DLG2: variants seen among roughly 807,000 people sequenced by gnomAD.
The protein encoded by DLG2 is disks large homolog 2.
In DLG2, 45 loss-of-function variants were observed where a neutral mutation model predicts 132.5. The ratio of observed to expected loss-of-function variants is 0.34; its 90% CI spans 0.27 to 0.44. The LOEUF (loss-of-function observed/expected upper bound fraction) is 0.44, where lower values mean the gene tolerates loss of function less well. DLG2 is among the 20% of genes least tolerant of loss of function. The pLI, the probability that DLG2 is intolerant of heterozygous loss-of-function variation, is 1.00. For synonymous variants in DLG2, 424 were observed against 419.6 expected (o/e 1.01, Z -0.13); for missense variants, 1,045 against 1,196.9 (o/e 0.87, Z 1.87).
intron 6 of DLG2, among the ~76,000 whole-genome samples, chr11:84,993,466 G>A (rs2057334818): frequency 6.6e-6 from 1 of 152,222 alleles, no homozygotes; most frequent in Admixed American, 6.5e-5. Flanking sequence ...AATGCAGCCA[G>A]AGTGTCTTTG....
intron 15 of DLG2, among the ~76,000 whole-genome samples, chr11:83,881,074 C>T (rs529449808): frequency 6.6e-6 from 1 of 152,030 alleles, no homozygotes; most frequent in East Asian, 1.9e-4. Flanking sequence ...ACCGTGATTA[C>T]TTTTGCACCA....
At chr11:85,586,178 T>C (rs541334681) in intron 3 of DLG2, among the ~76,000 whole-genome samples, 12 of 152,310 alleles carry the variant, frequency 7.9e-5, no homozygotes, top group Admixed American at 6.5e-5. Flanking sequence ...TATTGGTCTG[T>C]AGTTTTCTTT....
chr11:85,111,081 C>T (rs1465560160), intron 6 of DLG2, among the ~76,000 whole-genome samples: 1 of 152,110 alleles, frequency 6.6e-6, no homozygotes, highest in East Asian at 1.9e-4. Context: ...TGTCTGGGAT[C>T]TGTTCCCAGT....
intron 16 of DLG2, among the ~76,000 whole-genome samples, chr11:83,845,422 T>C (rs776499412): frequency 4.6e-5 from 7 of 152,300 alleles, no homozygotes; most frequent in Middle Eastern, 6.8e-3. Context: ...GGATGCAGTA[T>C]AATGTGTGCC....
intron 6 of DLG2, chr11:84,720,328 T>A (rs1382221416): frequency 8.1e-6 from 8 of 985,382 alleles, no homozygotes; most frequent in Non-Finnish European, 9.6e-6. Context: ...AAAGTGTTGT[T>A]GGTGCAAGCA....
At chr11:85,023,393 C>T (rs1334874401) in intron 6 of DLG2, among the ~76,000 whole-genome samples, 1 of 151,918 alleles carries the variant, frequency 6.6e-6, no homozygotes, top group Non-Finnish European at 1.5e-5. Context: ...ACAGTTATTA[C>T]CAACTTAAAA....
intron 6 of DLG2, among the ~76,000 whole-genome samples, chr11:84,751,329 T>C (rs2066084579): frequency 6.6e-6 from 1 of 152,176 alleles, no homozygotes; most frequent in African/African-American, 2.4e-5. Flanking sequence ...TATCACTATC[T>C]TCATTTTTTA....
At chr11:85,447,533 C>T (rs2092064865) in intron 3 of DLG2, among the ~76,000 whole-genome samples, 1 of 151,984 alleles carries the variant, frequency 6.6e-6, no homozygotes, top group Admixed American at 6.6e-5. Flanking sequence ...GAGAGAGGTC[C>T]CAAAGAAACC....
intron 7 of DLG2, among the ~76,000 whole-genome samples, chr11:84,253,629 T>C (rs1189219071): frequency 2.0e-5 from 3 of 152,174 alleles, no homozygotes; most frequent in Non-Finnish European, 1.5e-5. Context: ...TCAAAGGCAA[T>C]AATAACAATA....
chr11:85,021,797 G>T, intron 6 of DLG2: 1 of 509,918 alleles, frequency 2.0e-6, no homozygotes, highest in South Asian at 2.2e-5. Flanking sequence ...TGCTGCTCGA[G>T]GTGGGTAATG....
At chr11:83,949,322 C>T (rs948626689) in intron 14 of DLG2, among the ~76,000 whole-genome samples, 1 of 152,106 alleles carries the variant, frequency 6.6e-6, no homozygotes, top group African/African-American at 2.4e-5. Flanking sequence ...GTGATAACTA[C>T]ACAAATAGGT....
intron 6 of DLG2, among the ~76,000 whole-genome samples, chr11:84,692,498 G>T (rs2058162056): frequency 2.0e-5 from 3 of 151,592 alleles, no homozygotes; most frequent in South Asian, 4.1e-4. Context: ...TTTATACCAG[G>T]TATATTCCTC....
At chr11:84,291,350 C>A (rs1444043496) in intron 7 of DLG2, among the ~76,000 whole-genome samples, 1 of 152,128 alleles carries the variant, frequency 6.6e-6, no homozygotes, top group Admixed American at 6.5e-5. Flanking sequence ...ATGGGCAATG[C>A]GCAAATCCTA....
At chr11:84,521,962 A>T (rs1019536806) in intron 7 of DLG2, among the ~76,000 whole-genome samples, 1 of 152,152 alleles carries the variant, frequency 6.6e-6, no homozygotes, top group African/African-American at 2.4e-5. Flanking sequence ...GGAGTTCAAG[A>T]CCAGCCTGGC....
At position 83,473,524 on chromosome 11, in the gene DLG2, AATC is replaced by A. The variant is rs766080026; in HGVS notation, c.2294-750_2294-748del. ...ATTGGTTTTTGCCATTTATTTTTTC[AATC>A]ATCTATTTTATATAATTGATGAATT... On this transcript the variant is annotated intron_variant, in intron 22 of 27. Transcript: ENST00000376104. Among the ~76,000 whole-genome samples, 22 of 152,276 alleles carry A rather than the reference AATC, an allele frequency of 1.4e-4. No homozygotes were observed. In the East Asian group the frequency reaches 3.9e-3, roughly 27 times the overall value.
chr11:83,671,306 C>A (rs1302404324), intron 18 of DLG2, among the ~76,000 whole-genome samples: 3 of 152,222 alleles, frequency 2.0e-5, no homozygotes, highest in African/African-American at 7.2e-5. Flanking sequence ...AGATTTATTT[C>A]TTAAGAATTA....
intron 9 of DLG2, among the ~76,000 whole-genome samples, chr11:84,140,297 G>A (rs1443493061): frequency 6.6e-6 from 1 of 151,938 alleles, no homozygotes; most frequent in East Asian, 1.9e-4. Context: ...TATTTCACAG[G>A]GCACTTTGGA....
intron 6 of DLG2, among the ~76,000 whole-genome samples, chr11:85,033,686 T>C (rs891740926): frequency 6.6e-6 from 1 of 152,220 alleles, no homozygotes; most frequent in African/African-American, 2.4e-5. Context: ...TGTCATTTAA[T>C]CACTCTGAGT....
At chr11:85,487,255 G>C (rs2093449920) in intron 3 of DLG2, among the ~76,000 whole-genome samples, 1 of 151,550 alleles carries the variant, frequency 6.6e-6, no homozygotes, top group Non-Finnish European at 1.5e-5. Flanking sequence ...ACAGAAAACA[G>C]CAAAAAGCAA....
Sources: gnomAD v4.1 joint callset for allele counts (sites outside exome capture counted in the v4.1 genomes callset) on GRCh38, gnomAD v4.1.1 for gene constraint, MANE v1.5 for transcripts, NCBI Gene and HGNC (gene_info 2026-07-23, HGNC 2026-07-21) for gene names.